Variants in PTP4A2 observed in about 807,000 individuals in gnomAD.
PTP4A2 encodes the protein protein tyrosine phosphatase type IVA 2.
A neutral mutation model predicts 22.9 loss-of-function variants in PTP4A2; 2 were observed. The ratio of observed to expected loss-of-function variants is 0.09; its 90% CI spans 0.04 to 0.27. The LOEUF (loss-of-function observed/expected upper bound fraction) is 0.27. PTP4A2 is among the 10% of genes least tolerant of loss of function. PTP4A2 has a pLI of 1.00. For missense variants in PTP4A2, 103 were observed against 205.1 expected (o/e 0.50, Z 3.04); for synonymous variants, 68 against 69.1 (o/e 0.98, Z 0.08).
At position 31,935,131 on chromosome 1, in the gene PTP4A2, G is replaced by GT. The variant is rs1311193626; in HGVS notation, c.-594+2855dup. On this transcript the variant is annotated intron_variant, in intron 1 of 5. Transcript: ENST00000647444. Reference sequence around the variant, plus strand: ...TCAACAGAGAAACTTTGATACAGTGGTAAGTTCTAGTTCACTCTTGGCCCC... The same window carrying GT: ...TCAACAGAGAAACTTTGATACAGTGGTTAAGTTCTAGTTCACTCTTGGCCCC... Among the ~76,000 whole-genome samples, 4 of 152,120 alleles carry GT rather than the reference G, an allele frequency of 2.6e-5. No homozygotes were observed. In the South Asian group the frequency reaches 6.2e-4, roughly 24 times the overall value.
intron 1 of PTP4A2, among the ~76,000 whole-genome samples, chr1:31,920,628 C>T (rs1438918821): frequency 2.7e-5 from 4 of 150,880 alleles, no homozygotes; most frequent in Non-Finnish European, 5.9e-5. Flanking sequence ...ACCTCCGCCC[C>T]CCAGGTTCAA....
chr1:31,926,149 A>AATATATATATATATATATAT (rs1553212254), intron 1 of PTP4A2, among the ~76,000 whole-genome samples: 3 of 131,278 alleles, frequency 2.3e-5, no homozygotes, highest in African/African-American at 8.5e-5. Flanking sequence ...AAAAAAAAAA[A>AATATATATATATATATATAT]ATATATATAT....
intron 4 of PTP4A2, 80 bp from the exon 5 acceptor site, chr1:31,910,192 C>A: frequency 1.0e-6 from 1 of 1,004,238 alleles, no homozygotes; most frequent in Non-Finnish European, 1.5e-6. Flanking sequence ...TGCATATTAC[C>A]AATGCAACGC....
intron 4 of PTP4A2, among the ~76,000 whole-genome samples, 176 bp downstream of exon 4, chr1:31,911,520 T>C (rs1164316798): frequency 6.6e-6 from 1 of 152,210 alleles, no homozygotes. Flanking sequence ...CCAGATGAAA[T>C]GAACAGGCTC....
intron 1 of PTP4A2, 122 bp downstream of exon 1, chr1:31,937,865 G>C (rs1160945257): frequency 6.6e-6 from 1 of 151,852 alleles, no homozygotes; most frequent in Non-Finnish European, 1.5e-5. Context: ...CCCCGGCCCG[G>C]CCCGGCCCTC....
At chr1:31,928,388 T>C (rs1437761163) in intron 1 of PTP4A2, among the ~76,000 whole-genome samples, 2 of 151,696 alleles carry the variant, frequency 1.3e-5, no homozygotes, top group Admixed American at 6.6e-5. Flanking sequence ...AAAAATAAGA[T>C]GCTTTTTTTA....
intron 3 of PTP4A2, chr1:31,912,982 T>C (rs938910849): frequency 3.8e-5 from 17 of 452,106 alleles, no homozygotes; most frequent in Non-Finnish European, 7.5e-5. Context: ...AACCAGTACC[T>C]TAGTCAAGAG....
chr1:31,926,149 A>AAATATATAT lies in PTP4A2; in HGVS notation c.-593-6492_-593-6491insATATATATT, dbSNP rs59088489. ...TTTCAAAAAATTAAAAAAAAAAAAA[A>AAATATATAT]ATATATATATATATATATATTTATC... On this transcript the variant is annotated intron_variant, in intron 1 of 5. Transcript: ENST00000647444. Among the ~76,000 whole-genome samples, 264 of 131,320 alleles carry AAATATATAT rather than the reference A, an allele frequency of 2.0e-3. 3 individuals carry two copies. The highest frequency in any genetic ancestry group is 7.4e-3 in the African/African-American group (260 of 35,182). 86.2% of individuals were successfully genotyped at this position (131,320 alleles called of 152,430 possible). A position where few individuals can be genotyped will look rare whatever the true frequency, so the allele number is the denominator to read the frequency against.
chr1:31,931,720 AT>A (rs1652736164), intron 1 of PTP4A2, among the ~76,000 whole-genome samples: 5 of 152,204 alleles, frequency 3.3e-5, no homozygotes, highest in Non-Finnish European at 7.3e-5. Context: ...AATTTGCATA[AT>A]TTAAACTAAT....
At chr1:31,909,823 A>G (rs1278519591) in intron 5 of PTP4A2, among the ~76,000 whole-genome samples, 3 of 152,220 alleles carry the variant, frequency 2.0e-5, no homozygotes, top group African/African-American at 7.2e-5. Flanking sequence ...TATACTGGAC[A>G]CAGTCTATAA....
chr1:31,933,554 G>A (rs1331250269), intron 1 of PTP4A2: 1 of 152,052 alleles, frequency 6.6e-6, no homozygotes, highest in East Asian at 1.9e-4. Flanking sequence ...GGGCAACATA[G>A]CGAAACCCTG....
intron 4 of PTP4A2, 25 bp from the exon 5 acceptor site, chr1:31,910,137 G>A (rs1270621815): frequency 6.4e-6 from 10 of 1,573,958 alleles, no homozygotes. Flanking sequence ...CTGTATGTAA[G>A]TATCCATAAG....
intron 1 of PTP4A2, among the ~76,000 whole-genome samples, chr1:31,928,775 G>T (rs1652595722): frequency 6.6e-6 from 1 of 151,884 alleles, no homozygotes; most frequent in Non-Finnish European, 1.5e-5. Flanking sequence ...ATTTAAGGAG[G>T]GAACTTGAGA....
chr1:31,907,466 C>T lies in PTP4A2; in HGVS notation c.*1386G>A, dbSNP rs932583521. 3.3e-5 allele frequency: 5 copies of T among 152,124 alleles called. No individual in the cohort carries two copies. The highest frequency in any genetic ancestry group is 2.6e-4 in the Admixed American group (4 of 15,260). The allele number at this position is 152,124 out of a possible 1,614,324, so 9.4% of individuals were successfully genotyped here. A position where few individuals can be genotyped will look rare whatever the true frequency, so the allele number is the denominator to read the frequency against. ...TACACCGCTTCACAAGCAACACAGTCCCTTCACTACTCATTGGGTTGCACG... is the reference window on the plus strand; with the variant it reads ...TACACCGCTTCACAAGCAACACAGTTCCTTCACTACTCATTGGGTTGCACG... On this transcript the variant is annotated 3_prime_UTR_variant, in exon 6 of 6. Transcript: ENST00000647444.
intron 1 of PTP4A2, among the ~76,000 whole-genome samples, chr1:31,929,866 T>G (rs994824857): frequency 6.6e-6 from 1 of 152,170 alleles, no homozygotes; most frequent in Non-Finnish European, 1.5e-5. Context: ...CAACACCACA[T>G]TGAAATGTTT....
In PTP4A2 at chr1:31,907,969, C is replaced by G. The variant is rs2124119346; in HGVS notation, c.*883G>C. 1 of 150,480 alleles carries G rather than the reference C, an allele frequency of 6.6e-6. No individual in the cohort carries two copies. The highest frequency in any genetic ancestry group is 3.4e-3 in the Middle Eastern group (1 of 292). 9.3% of individuals were successfully genotyped at this position (150,480 alleles called of 1,614,324 possible). On this transcript the variant is annotated 3_prime_UTR_variant, in exon 6 of 6. Transcript: ENST00000647444. ...TCTCAGGTAAGTTGAGAAGAGACTC[C>G]TCTTAAAATGCCATTTCTCCACTAA...
At chr1:31,931,104 C>T (rs560678355) in intron 1 of PTP4A2, 19 of 152,316 alleles carry the variant, frequency 1.2e-4, no homozygotes, top group African/African-American at 3.8e-4. Flanking sequence ...TTTGCAGAGA[C>T]GTGTGCACAT....
chr1:31,914,314 A>T (rs2124162056), intron 3 of PTP4A2: 1 of 455,292 alleles, frequency 2.2e-6, no homozygotes, highest in South Asian at 1.6e-5. Context: ...TGATCCACCT[A>T]CCTTGGCCTC....
chr1:31,933,423 C>T (rs1224142816), intron 1 of PTP4A2, among the ~76,000 whole-genome samples: 1 of 152,142 alleles, frequency 6.6e-6, no homozygotes, highest in Non-Finnish European at 1.5e-5. Flanking sequence ...TCACTGCTAT[C>T]TATTTATTGA....
Sources: allele counts gnomAD v4.1 joint callset (sites outside exome capture counted in the v4.1 genomes callset), GRCh38; gene constraint gnomAD v4.1.1; transcripts MANE v1.5; gene names NCBI Gene and HGNC (gene_info 2026-07-23, HGNC 2026-07-21).